Variants in PCDHA7 observed in about 807,000 individuals in gnomAD.
PCDHA7 encodes the protein protocadherin alpha 7.
In PCDHA7, 37 loss-of-function variants were observed where a neutral mutation model predicts 57.2. The ratio of observed to expected loss-of-function variants is 0.65; its 90% CI spans 0.50 to 0.85. The LOEUF (loss-of-function observed/expected upper bound fraction) is 0.85. PCDHA7 is among the 40% of genes least tolerant of loss of function. The pLI is 0.00. For missense variants in PCDHA7, 1,188 were observed against 1,241.8 expected (o/e 0.96, Z 0.65); for synonymous variants, 553 against 558.8 (o/e 0.99, Z 0.15).
intron 1 of PCDHA7, among the ~76,000 whole-genome samples, chr5:140,944,925 A>T (rs1457519692): frequency 6.6e-6 from 1 of 152,158 alleles, no homozygotes; most frequent in African/African-American, 2.4e-5. Flanking sequence ...ATATTGGTTT[A>T]TGCCTTCTTT....
chr5:140,939,634 G>T (rs1032922800), intron 1 of PCDHA7, among the ~76,000 whole-genome samples: 12 of 152,184 alleles, frequency 7.9e-5, no homozygotes, highest in South Asian at 4.1e-4. Flanking sequence ...AATCAATAAG[G>T]GTACTGAAAA....
At position 140,850,250 on chromosome 5, in the gene PCDHA7, G is replaced by C; in HGVS notation, c.2355+13512G>C. Reference sequence around the variant, plus strand: ...TGAGCGAGATGGTGCTGCGGTCGGTGGGCGCCGGCGTAGTGGTGGGGAAGG... The same window carrying C: ...TGAGCGAGATGGTGCTGCGGTCGGTCGGCGCCGGCGTAGTGGTGGGGAAGG... On this transcript the variant is annotated intron_variant, in intron 1 of 3. Transcript: ENST00000525929. The C allele has an allele frequency of 1.9e-6, 3 of 1,594,024 alleles. 1 individual carries two copies. Among genetic ancestry groups the C allele is most frequent in the Non-Finnish European group, 2.6e-6 (3 of 1,167,182 alleles).
At chr5:140,936,662 CT>C (rs1337986057) in intron 1 of PCDHA7, among the ~76,000 whole-genome samples, 1 of 152,178 alleles carries the variant, frequency 6.6e-6, no homozygotes, top group Non-Finnish European at 1.5e-5. Context: ...TATTCTGTTT[CT>C]GGACTGTCTA....
At chr5:140,993,571 G>A (rs1298531948) in intron 3 of PCDHA7, among the ~76,000 whole-genome samples, 1 of 151,484 alleles carries the variant, frequency 6.6e-6, no homozygotes, top group Non-Finnish European at 1.5e-5. Flanking sequence ...TCCTTTCTAG[G>A]GATGCTTTTC....
At chr5:140,988,756 A>G (rs577332845) in intron 3 of PCDHA7, among the ~76,000 whole-genome samples, 170 of 152,318 alleles carry the variant, frequency 1.1e-3, no homozygotes, top group African/African-American at 4.0e-3. Flanking sequence ...TGGCCTGGGC[A>G]GAATACAGTC....
At chr5:140,941,508 G>A (rs1296025812) in intron 1 of PCDHA7, among the ~76,000 whole-genome samples, 1 of 151,286 alleles carries the variant, frequency 6.6e-6, no homozygotes, top group African/African-American at 2.4e-5. Flanking sequence ...GTAGAGACGA[G>A]GTTTCACCAT....
At chr5:140,941,023 T>C (rs2153648150) in intron 1 of PCDHA7, among the ~76,000 whole-genome samples, 1 of 152,338 alleles carries the variant, frequency 6.6e-6, no homozygotes, top group African/African-American at 2.4e-5. Flanking sequence ...ATTTTCCTTC[T>C]GGCCTTTTTG....
intron 1 of PCDHA7, among the ~76,000 whole-genome samples, chr5:140,897,430 C>A (rs1297820601): frequency 6.7e-6 from 1 of 148,618 alleles, no homozygotes; most frequent in East Asian, 2.0e-4. Flanking sequence ...TGAGTGAGAA[C>A]ATGCAGTGTT....
intron 3 of PCDHA7, among the ~76,000 whole-genome samples, chr5:140,991,068 T>A (rs1563570560): frequency 6.6e-6 from 1 of 152,216 alleles, no homozygotes; most frequent in Admixed American, 6.5e-5. Flanking sequence ...ATTATTCCCA[T>A]GTTTCAGATA....
At chr5:140,862,994 G>T (rs199654880) in intron 1 of PCDHA7, 1 of 549,002 alleles carries the variant, frequency 1.8e-6, no homozygotes. Flanking sequence ...GGTGCGCACG[G>T]TGGACTCCAG....
intron 1 of PCDHA7, among the ~76,000 whole-genome samples, chr5:140,945,084 G>A (rs2093736806): frequency 6.6e-6 from 1 of 151,822 alleles, no homozygotes; most frequent in Admixed American, 6.6e-5. Context: ...AACACTCTTG[G>A]AACTAATAAA....
chr5:140,859,311 T>C (rs1441323923), intron 1 of PCDHA7: 1 of 128,808 alleles, frequency 7.8e-6, no homozygotes, highest in Non-Finnish European at 1.8e-5. Flanking sequence ...GAATTAATAT[T>C]AAAAGTTTGA....
intron 1 of PCDHA7, chr5:140,849,693 A>T (rs2150445321): frequency 6.3e-7 from 1 of 1,598,584 alleles, no homozygotes; most frequent in South Asian, 1.1e-5. Flanking sequence ...GCTGGTGTCC[A>T]CCTACAAGAA....
intron 1 of PCDHA7, among the ~76,000 whole-genome samples, chr5:140,904,512 C>T (rs1251570223): frequency 5.9e-5 from 9 of 151,738 alleles, no homozygotes; most frequent in Admixed American, 3.3e-4. Flanking sequence ...GTGAATTGTG[C>T]TGCTATAAAC....
At chr5:140,858,112 G>A (rs943720366) in intron 1 of PCDHA7, 27 of 1,597,680 alleles carry the variant, frequency 1.7e-5, no homozygotes, top group Non-Finnish European at 2.3e-5. Context: ...TGGCGCCCGA[G>A]GTGGCCCTGG....
intron 3 of PCDHA7, among the ~76,000 whole-genome samples, chr5:140,993,758 T>C (rs1205942777): frequency 6.6e-6 from 1 of 152,226 alleles, no homozygotes; most frequent in Non-Finnish European, 1.5e-5. Flanking sequence ...GCCATTATAT[T>C]ACAATTGCGC....
In PCDHA7 at chr5:140,982,309, G is replaced by A. The variant is rs1459964622; in HGVS notation, c.2415-166G>A. On this transcript the variant is annotated intron_variant, in intron 2 of 3. Coordinates refer to ENST00000525929, the MANE Select transcript of PCDHA7 (RefSeq NM_018910.3). Reference sequence around the variant, plus strand: ...TAAGTAAGTCAGCAATGCTTCTGCAGTTTATGCAGGGTGACTGCTCAGCAG... The same window carrying A: ...TAAGTAAGTCAGCAATGCTTCTGCAATTTATGCAGGGTGACTGCTCAGCAG... 5.4e-6 allele frequency: 7 copies of A among 1,306,624 alleles called. No homozygotes were observed. The Admixed American group carries it at 1.8e-4, about 34-fold the overall frequency. The allele number at this position is 1,306,624 out of a possible 1,614,324, so 80.9% of individuals were successfully genotyped here. A position where few individuals can be genotyped will look rare whatever the true frequency, so the allele number is the denominator to read the frequency against.
At chr5:140,933,773 A>G (rs2089413998) in intron 1 of PCDHA7, among the ~76,000 whole-genome samples, 1 of 152,040 alleles carries the variant, frequency 6.6e-6, no homozygotes, top group South Asian at 2.1e-4. Context: ...CTGTACCTAC[A>G]GTTTTCTTTG....
rs2150254902 is a variant in PCDHA7, at chr5:140,836,186, A to C, written c.1803A>C (p.Ser601=). ...AGGTACGTGCAGTTGACGCTGACTCAGGCTACAACGCGTGGCTTTCGTATG... is the reference window on the plus strand; with the variant it reads ...AGGTACGTGCAGTTGACGCTGACTCCGGCTACAACGCGTGGCTTTCGTATG... ...VAKVRAVDAD[S]GYNAWLSYEL... The change falls in exon 1 of 4, where the codon TCA becomes TCC. Residue 601 remains serine (S), a synonymous_variant. Transcript: ENST00000525929. 6.2e-7 allele frequency: 1 copy of C among 1,613,806 alleles called. No homozygotes were observed. Among genetic ancestry groups the C allele is most frequent in the Non-Finnish European group, 8.5e-7 (1 of 1,179,784 alleles).
Sources: gnomAD v4.1 joint callset for allele counts (sites outside exome capture counted in the v4.1 genomes callset) on GRCh38, gnomAD v4.1.1 for gene constraint, MANE v1.5 for transcripts, NCBI Gene and HGNC (gene_info 2026-07-23, HGNC 2026-07-21) for gene names.